SORCS2: variants seen among roughly 807,000 people sequenced by gnomAD.
SORCS2 encodes VPS10 domain-containing receptor SorCS2.
SORCS2 carries 100 observed loss-of-function variants against 141.6 expected under a neutral mutation model. The ratio of observed to expected loss-of-function variants is 0.71; its 90% CI spans 0.60 to 0.83. SORCS2 has a LOEUF of 0.83. Ranked by LOEUF, SORCS2 falls within the 40% of genes least tolerant of loss-of-function variation. The probability of loss-of-function intolerance (pLI) is 0.00; values close to 1 mark genes in which losing one functional copy is unlikely to be tolerated. For synonymous variants in SORCS2, 789 were observed against 676.9 expected, an observed-to-expected ratio of 1.17 and a Z score of -2.57; for missense variants, 1,646 against 1,560.2, an observed-to-expected ratio of 1.05 and a Z score of -0.93.
In SORCS2 at chr4:7,339,794, G is replaced by C. The variant is rs191334069; in HGVS notation, c.481-56494G>C. Among the ~76,000 whole-genome samples, 82 of 152,350 alleles carry C rather than the reference G, an allele frequency of 5.4e-4. No individual in the cohort carries two copies. In the East Asian group the frequency reaches 0.014, roughly 26 times the overall value. Reference sequence around the variant, plus strand: ...AGGGAGAAAGCGAAGAACCAGCTCAGACGTGTTCATATTTGCAAATCCTGG... The same window carrying C: ...AGGGAGAAAGCGAAGAACCAGCTCACACGTGTTCATATTTGCAAATCCTGG... On this transcript the variant is annotated intron_variant, in intron 1 of 26. Coordinates refer to ENST00000507866, the MANE Select transcript of SORCS2 (RefSeq NM_020777.3).
chr4:7,219,747 A>G (rs978047059), intron 1 of SORCS2, among the ~76,000 whole-genome samples: 21 of 152,186 alleles, frequency 1.4e-4, no homozygotes, highest in Non-Finnish European at 2.6e-4. Context: ...CGTGGGAACT[A>G]CAATTCAAGA....
intron 1 of SORCS2, among the ~76,000 whole-genome samples, chr4:7,322,981 C>CT (rs1718996055): frequency 5.4e-5 from 8 of 147,314 alleles, no homozygotes; most frequent in Non-Finnish European, 9.0e-5. Flanking sequence ...CGTTTTTTAT[C>CT]TTTTTCTGTA....
chr4:7,379,681 C>T (rs1047682702), intron 1 of SORCS2, among the ~76,000 whole-genome samples: 4 of 152,126 alleles, frequency 2.6e-5, no homozygotes, highest in African/African-American at 4.8e-5. Flanking sequence ...GAAGGAGAAC[C>T]TTCCAGACCC....
intron 1 of SORCS2, among the ~76,000 whole-genome samples, chr4:7,263,252 TC>T (rs1714487719): frequency 6.6e-6 from 1 of 152,176 alleles, no homozygotes; most frequent in South Asian, 2.1e-4. Context: ...ATTGTTGAAA[TC>T]TGTAGAGAGG....
intron 15 of SORCS2, among the ~76,000 whole-genome samples, chr4:7,713,609 A>C (rs1174348854): frequency 6.6e-6 from 1 of 152,044 alleles, no homozygotes; most frequent in Non-Finnish European, 1.5e-5. Flanking sequence ...GCATCAGAGA[A>C]TTTGACATCA....
intron 2 of SORCS2, among the ~76,000 whole-genome samples, chr4:7,416,667 C>T (rs1318657936): frequency 1.3e-5 from 2 of 152,154 alleles, no homozygotes; most frequent in African/African-American, 2.4e-5. Flanking sequence ...CATGCACACA[C>T]TTGTGTGCAC....
chr4:7,399,896 C>G (rs1372324683), intron 2 of SORCS2, among the ~76,000 whole-genome samples: 1 of 152,182 alleles, frequency 6.6e-6, no homozygotes, highest in African/African-American at 2.4e-5. Flanking sequence ...CAGCACTTCT[C>G]AGACTCCACG....
intron 4 of SORCS2, among the ~76,000 whole-genome samples, chr4:7,644,960 C>T (rs1034991230): frequency 6.6e-6 from 1 of 152,142 alleles, no homozygotes; most frequent in Non-Finnish European, 1.5e-5. Context: ...TCTATTTCTG[C>T]AGCAATTGAT....
intron 3 of SORCS2, among the ~76,000 whole-genome samples, chr4:7,569,506 A>C (rs1193774092): frequency 6.6e-6 from 1 of 152,064 alleles, no homozygotes; most frequent in East Asian, 1.9e-4. Context: ...ACAGGGCAAG[A>C]CTCCGTCGCA....
chr4:7,242,603 T>C (rs1193589820), intron 1 of SORCS2, among the ~76,000 whole-genome samples: 1 of 152,148 alleles, frequency 6.6e-6, no homozygotes, highest in Non-Finnish European at 1.5e-5. Context: ...ATCATGTCCT[T>C]TGCTCTCTCT....
chr4:7,368,321 A>T (rs1722028093), intron 1 of SORCS2, among the ~76,000 whole-genome samples: 1 of 152,238 alleles, frequency 6.6e-6, no homozygotes, highest in Non-Finnish European at 1.5e-5. Flanking sequence ...AAGCATGTTA[A>T]CTAATAAAGC....
At chr4:7,678,045 A>T (rs1163343057) in intron 9 of SORCS2, among the ~76,000 whole-genome samples, 1 of 152,182 alleles carries the variant, frequency 6.6e-6, no homozygotes, top group South Asian at 2.1e-4. Flanking sequence ...ACCGCATGCC[A>T]TGCTCTGGTC....
At chr4:7,257,258 G>A (rs543192047) in intron 1 of SORCS2, among the ~76,000 whole-genome samples, 103 of 152,008 alleles carry the variant, frequency 6.8e-4, no homozygotes, top group African/African-American at 7.2e-5. Flanking sequence ...GGTGAGGCTC[G>A]TGTGCCTGGC....
intron 3 of SORCS2, among the ~76,000 whole-genome samples, chr4:7,574,564 G>C (rs1358372109): frequency 6.6e-6 from 1 of 151,986 alleles, no homozygotes; most frequent in Non-Finnish European, 1.5e-5. Flanking sequence ...CAGGGGGAAG[G>C]AGGAAGAGAG....
At chr4:7,196,602 C>T (rs1230130568) in intron 1 of SORCS2, among the ~76,000 whole-genome samples, 1 of 150,730 alleles carries the variant, frequency 6.6e-6, no homozygotes, top group Non-Finnish European at 1.5e-5. Flanking sequence ...ATCAGCACCT[C>T]CCTCCCCTGC....
intron 2 of SORCS2, among the ~76,000 whole-genome samples, chr4:7,491,223 C>T (rs915056389): frequency 1.3e-5 from 2 of 152,190 alleles, no homozygotes; most frequent in African/African-American, 4.8e-5. Flanking sequence ...ATGCTGTTCC[C>T]TTTGCCCTCT....
intron 2 of SORCS2, among the ~76,000 whole-genome samples, chr4:7,420,002 C>G (rs1473013621): frequency 1.3e-5 from 2 of 152,212 alleles, no homozygotes; most frequent in Admixed American, 1.3e-4. Context: ...TCTGCACACT[C>G]CTCTCCCGCT....
At chr4:7,389,630 A>C (rs1723730938) in intron 1 of SORCS2, among the ~76,000 whole-genome samples, 1 of 152,190 alleles carries the variant, frequency 6.6e-6, no homozygotes, top group African/African-American at 2.4e-5. Flanking sequence ...AGGCTGACGC[A>C]GTTCCTCCCC....
intron 18 of SORCS2, among the ~76,000 whole-genome samples, chr4:7,719,544 C>T (rs1577114345): frequency 6.6e-6 from 1 of 152,198 alleles, no homozygotes; most frequent in East Asian, 1.9e-4. Context: ...GAGCCGTTCC[C>T]TGGTGCAGGC....
Sources: allele counts gnomAD v4.1 joint callset (sites outside exome capture counted in the v4.1 genomes callset), GRCh38; gene constraint gnomAD v4.1.1; transcripts MANE v1.5; gene names NCBI Gene and HGNC (gene_info 2026-07-23, HGNC 2026-07-21).